THOC1: variants seen among roughly 807,000 people sequenced by gnomAD.
The protein encoded by THOC1 is THO complex subunit 1, also known as THO complex 1.
THOC1 carries 29 observed loss-of-function variants against 97.3 expected under a neutral mutation model. That is an observed-to-expected ratio of 0.30 (90% CI 0.22 to 0.41). The LOEUF (loss-of-function observed/expected upper bound fraction) is 0.41, where lower values mean the gene tolerates loss of function less well. THOC1 is among the 10% of genes least tolerant of loss of function. The probability of loss-of-function intolerance (pLI) is 1.00; values close to 1 mark genes in which losing one functional copy is unlikely to be tolerated. For synonymous variants in THOC1, 255 were observed against 257.0 expected, an observed-to-expected ratio of 0.99 and a Z score of 0.07; for missense variants, 529 against 761.9, an observed-to-expected ratio of 0.69 and a Z score of 3.60.
chr18:226,179 A>G (rs992269220), intron 12 of THOC1: 2 of 152,320 alleles, frequency 1.3e-5, no homozygotes, highest in Non-Finnish European at 2.9e-5. Flanking sequence ...TGCAGCCAGC[A>G]AATGACGAGC....
chr18:260,157 T>G (rs1912559862), intron 5 of THOC1, 29 bp downstream of exon 5: 1 of 1,385,208 alleles, frequency 7.2e-7, no homozygotes, highest in Admixed American at 2.7e-5. Flanking sequence ...AAAGATAAAG[T>G]TAGCAGGAAA....
At chr18:245,734 T>G (rs568558308) in intron 11 of THOC1, 1 of 152,834 alleles carries the variant, frequency 6.5e-6, no homozygotes, top group Admixed American at 6.5e-5. Flanking sequence ...GCAGTTTTGC[T>G]CACTACTTGG....
At position 226,788 on chromosome 18, in the gene THOC1, C is replaced by A. The variant is rs766170176; in HGVS notation, c.1019+13G>T. 3.2e-6 allele frequency: 5 copies of A among 1,582,956 alleles called. No homozygotes were observed. In the Admixed American group the frequency reaches 8.7e-5, roughly 27 times the overall value. Reference sequence around the variant, plus strand: ...TACTGTTTACAAATTGTTTACTACCCATATTATCTTACCTTTTGAATTTGA... The same window carrying A: ...TACTGTTTACAAATTGTTTACTACCAATATTATCTTACCTTTTGAATTTGA... On this transcript the variant is annotated intron_variant, in intron 12 of 20. Transcript: ENST00000261600.
chr18:259,129 A>T, intron 7 of THOC1, 51 bp downstream of exon 7: 1 of 1,393,902 alleles, frequency 7.2e-7, no homozygotes, highest in Non-Finnish European at 1.0e-6. Context: ...ATCTATTAAA[A>T]ACTGGAAAAG....
chr18:241,098 A>G (rs1169282800), intron 11 of THOC1, among the ~76,000 whole-genome samples: 1 of 151,950 alleles, frequency 6.6e-6, no homozygotes, highest in Non-Finnish European at 1.5e-5. Context: ...CCCACTGCTC[A>G]CCTCCTGCTG....
intron 9 of THOC1, among the ~76,000 whole-genome samples, chr18:248,230 T>G (rs1042393856): frequency 6.6e-6 from 1 of 152,240 alleles, no homozygotes; most frequent in African/African-American, 2.4e-5. Flanking sequence ...CAACCAATCT[T>G]GCTGCTCGCA....
chr18:225,491 T>A, intron 12 of THOC1, 88 bp from the exon 13 acceptor site: 1 of 1,034,686 alleles, frequency 9.7e-7, no homozygotes, highest in Non-Finnish European at 1.5e-6. Flanking sequence ...ATGTAACATG[T>A]AACTATACTG....
At chr18:266,509 A>T (rs1250451896) in intron 1 of THOC1, among the ~76,000 whole-genome samples, 1 of 151,538 alleles carries the variant, frequency 6.6e-6, no homozygotes, top group Admixed American at 6.6e-5. Flanking sequence ...GATGATCTCC[A>T]ATTTCATGGT....
At chr18:238,967 A>T (rs1327556288) in intron 11 of THOC1, among the ~76,000 whole-genome samples, 1 of 152,232 alleles carries the variant, frequency 6.6e-6, no homozygotes, top group East Asian at 1.9e-4. Flanking sequence ...AATTTTAATA[A>T]ACATAAGACT....
chr18:227,003 C>A (rs1911313312), intron 11 of THOC1, 102 bp from the exon 12 acceptor site: 2 of 927,914 alleles, frequency 2.2e-6, no homozygotes, highest in Non-Finnish European at 3.2e-6. Context: ...GATTCCAATT[C>A]AATTTAAAAG....
chr18:225,508 G>T, intron 12 of THOC1, 105 bp from the exon 13 acceptor site: 1 of 885,702 alleles, frequency 1.1e-6, no homozygotes, highest in Non-Finnish European at 1.7e-6. Flanking sequence ...ACTGTGGATA[G>T]TGTCAAAAAT....
chr18:226,485 A>T (rs537202), intron 12 of THOC1: 2 of 227,584 alleles, frequency 8.8e-6, no homozygotes, highest in Non-Finnish European at 1.7e-5. Context: ...TCTGCAAATC[A>T]GCTTTGGAGG....
chr18:242,579 A>G lies in THOC1; in HGVS notation c.918+3745T>C, dbSNP rs184887939. Among the ~76,000 whole-genome samples the G allele has an allele frequency of 1.3e-5, 2 of 152,356 alleles. No individual in the cohort carries two copies. The highest frequency in any genetic ancestry group is 6.5e-5 in the Admixed American group (1 of 15,302). ...TCCCATTGGATGGGGTCACGGCTCT[A>G]TTACAGAGATGAAAGATCTAACCTT... On this transcript the variant is annotated intron_variant, in intron 11 of 20. Coordinates refer to ENST00000261600, the MANE Select transcript of THOC1 (RefSeq NM_005131.3). This position sits in a 1 kb window ranked among gnomAD's most constrained non-coding sequence, Gnocchi z 4.5.
At chr18:258,564 T>TTTTA (rs1912505399) in intron 7 of THOC1, among the ~76,000 whole-genome samples, 1 of 152,128 alleles carries the variant, frequency 6.6e-6, no homozygotes, top group South Asian at 2.1e-4. Context: ...TCTTCACATG[T>TTTTA]TTTAATTCAT....
chr18:238,605 T>C (rs1438402987), intron 11 of THOC1, among the ~76,000 whole-genome samples: 1 of 152,180 alleles, frequency 6.6e-6, no homozygotes, highest in African/African-American at 2.4e-5. Context: ...TGGTTAAGGA[T>C]TTGTGTATCT....
intron 11 of THOC1, among the ~76,000 whole-genome samples, chr18:229,388 AGT>A (rs893372528): frequency 1.6e-4 from 25 of 152,178 alleles, no homozygotes; most frequent in Non-Finnish European, 2.9e-4. Context: ...ATCCATTGAA[AGT>A]GTTTTTGTCG....
intron 11 of THOC1, chr18:245,510 T>C (rs569849320): frequency 6.6e-6 from 1 of 152,442 alleles, no homozygotes; most frequent in African/African-American, 2.4e-5. Flanking sequence ...CACAACTTCC[T>C]ATAAAACCAT....
chr18:223,533 A>AT (rs1598289173), intron 16 of THOC1, 28 bp from the exon 17 acceptor site: 2 of 1,523,622 alleles, frequency 1.3e-6, no homozygotes, highest in East Asian at 2.5e-5. Context: ...AAATAAATAC[A>AT]TTTTTTATGG....
Position 259,208 on chromosome 18 carries a change from G to A in THOC1, c.492C>T (p.Ala164=). The A allele has an allele frequency of 6.2e-7, 1 of 1,612,264 alleles. No individual in the cohort carries two copies. The highest frequency in any genetic ancestry group is 1.1e-5 in the South Asian group (1 of 90,838). ...ATTTCTCAGACAGAGGGAAAAGCCT[G>A]GCCAAAAAGAGCTGAATCCGTCCAC... ...VFCGRIQLFL[A]RLFPLSEKSG... The change falls in exon 7 of 21, where the codon GCC becomes GCT. Residue 164 remains alanine, a synonymous_variant. Coordinates refer to ENST00000261600, the MANE Select transcript of THOC1 (RefSeq NM_005131.3).
Sources: allele counts gnomAD v4.1 joint callset (sites outside exome capture counted in the v4.1 genomes callset), GRCh38; gene constraint gnomAD v4.1.1; non-coding constraint Gnocchi (gnomAD v3.1); transcripts MANE v1.5; gene names NCBI Gene and HGNC (gene_info 2026-07-23, HGNC 2026-07-21).